NUTM2E: variants seen among roughly 807,000 people sequenced by gnomAD.
NUTM2E encodes the protein NUT family member 2E, also known as family with sequence similarity 22, member E.
In NUTM2E, 3 loss-of-function variants were observed where a neutral mutation model predicts 26.1. The ratio of observed to expected loss-of-function variants is 0.12; its 90% CI spans 0.05 to 0.30. The LOEUF is 0.30. Among genes scored for constraint, NUTM2E ranks in the 10% least tolerant of loss-of-function variants. NUTM2E has a pLI of 1.00. For missense variants in NUTM2E, 62 were observed against 381.3 expected (o/e 0.16, Z 6.97); for synonymous variants, 13 against 157.5 (o/e 0.08, Z 6.87).
Position 79,830,459 on chromosome 10 carries a change from C to A in NUTM2E, c.-2728+3102C>A, listed in dbSNP as rs578192264. On this transcript the variant is annotated intron_variant, in intron 1 of 9. Transcript: ENST00000429984. The stretch of plus-strand genomic sequence containing the variant: ...AAGAGAGGATAGTTCTGTAAAAACA[C>A]GTAAAATAACTTTCAAAGATGAAAA... 7.8e-4 allele frequency among the ~76,000 whole-genome samples: 118 copies of A among 151,628 alleles called. 7 individuals are homozygous for A. In the South Asian group the frequency reaches 0.024, roughly 31 times the overall value.
At position 79,839,560 on chromosome 10, in the gene NUTM2E, C is replaced by T. The variant is rs535457684; in HGVS notation, c.-2113-68C>T. Among the ~76,000 whole-genome samples, 35 of 151,902 alleles carry T rather than the reference C, an allele frequency of 2.3e-4. 1 individual carries two copies. Among genetic ancestry groups the T allele is most frequent in the African/African-American group, 8.0e-4 (33 of 41,480 alleles). ...ATAAAAAACTAGTAGAGAAGCAACT[C>T]ACTGACTTCAGTTTGTAATACCTTC... On this transcript the variant is annotated intron_variant, in intron 3 of 9. Coordinates refer to ENST00000429984, the MANE Select transcript of NUTM2E (RefSeq NM_001355263.2).
chr10:79,833,240 T>G (rs1841937931), intron 1 of NUTM2E, among the ~76,000 whole-genome samples: 1 of 151,810 alleles, frequency 6.6e-6, no homozygotes, highest in Admixed American at 6.6e-5. Context: ...GCGTTACCAT[T>G]AAAGTTTGAG....
In NUTM2E at chr10:79,838,764, T is replaced by A. The variant is rs1218072357; in HGVS notation, c.-2449-16T>A. Among the ~76,000 whole-genome samples the A allele has an allele frequency of 6.6e-6, 1 of 151,934 alleles. No individual in the cohort carries two copies. The highest frequency in any genetic ancestry group is 1.5e-5 in the Non-Finnish European group (1 of 67,942). On this transcript the variant is annotated splice_polypyrimidine_tract_variant and intron_variant, in intron 2 of 9. Transcript: ENST00000429984. ...GGAGGTGATTACCTTCTGATCACCC[T>A]TGGCTTTATTTTTAGGTAACACCAA...
intron 1 of NUTM2E, among the ~76,000 whole-genome samples, chr10:79,833,340 G>A (rs1443392952): frequency 6.6e-6 from 1 of 151,196 alleles, no homozygotes; most frequent in Non-Finnish European, 1.5e-5. Flanking sequence ...ACCTGTTGCT[G>A]GTTAGAAATG....
intron 1 of NUTM2E, among the ~76,000 whole-genome samples, chr10:79,833,656 A>G (rs929860609): frequency 1.3e-5 from 2 of 151,692 alleles, no homozygotes; most frequent in African/African-American, 4.8e-5. Flanking sequence ...CAAAACCACA[A>G]TGAGATACCA....
rs1362240484 is a variant in NUTM2E, at chr10:79,840,709, C to A, written c.-1032C>A. ...CCAAGTGTCTTCGAAAGGGCAAATG[C>A]TTCGTAAGTGCCGACAGGGTGTGTT... On this transcript the variant is annotated 5_prime_UTR_variant, in exon 4 of 10. The change creates a premature stop within an existing upstream ORF in the 5' untranslated region. Transcript: ENST00000429984. 2.6e-5 allele frequency among the ~76,000 whole-genome samples: 4 copies of A among 151,106 alleles called. No individual in the cohort carries two copies. The highest frequency in any genetic ancestry group is 3.9e-4 in the East Asian group (2 of 5,156).
At chr10:79,832,718 C>T (rs1465391055) in intron 1 of NUTM2E, among the ~76,000 whole-genome samples, 2 of 151,496 alleles carry the variant, frequency 1.3e-5, no homozygotes, top group Non-Finnish European at 2.9e-5. Context: ...TTCTGAATTA[C>T]AAAAATCATT....
In NUTM2E at chr10:79,829,282, C is replaced by G. The variant is rs1232517227; in HGVS notation, c.-2728+1925C>G. ...GATAGAGAGCTGATGGTAAAAATAA[C>G]AATGAGAGCAAAGGCCAAAATGTAT... On this transcript the variant is annotated intron_variant, in intron 1 of 9. Transcript: ENST00000429984. 2.0e-5 allele frequency among the ~76,000 whole-genome samples: 3 copies of G among 151,388 alleles called. No individual in the cohort carries two copies. The East Asian group carries it at 5.8e-4, about 29-fold the overall frequency.
chr10:79,836,747 A>T (rs1210189691), intron 1 of NUTM2E, among the ~76,000 whole-genome samples: 7 of 151,966 alleles, frequency 4.6e-5, no homozygotes, highest in Admixed American at 4.6e-4. Flanking sequence ...AGTACTTGAA[A>T]CTGCCTGTAC....
intron 5 of NUTM2E, among the ~76,000 whole-genome samples, chr10:79,845,475 A>G (rs1189136390): frequency 7.3e-3 from 801 of 110,128 alleles, no homozygotes; most frequent in African/African-American, 0.022. Context: ...TGAAGAGATA[A>G]CTTGAGCTCA....
At chr10:79,834,844 AAACAC>A in intron 1 of NUTM2E, among the ~76,000 whole-genome samples, 1 of 149,112 alleles carries the variant, frequency 6.7e-6, no homozygotes, top group Admixed American at 6.7e-5. Flanking sequence ...ACACACACAC[AAACAC>A]ACAAACTAAA....
Position 79,848,797 on chromosome 10 carries a change from A to C in NUTM2E, c.1636A>C (p.Lys546Gln), listed in dbSNP as rs371009764. 3 of 532,832 alleles carry C rather than the reference A, an allele frequency of 5.6e-6. No individual in the cohort carries two copies. The African/African-American group carries it at 8.7e-5, about 15-fold the overall frequency. 33.0% of individuals were successfully genotyped at this position (532,832 alleles called of 1,614,324 possible). A position where few individuals can be genotyped will look rare whatever the true frequency, so the allele number is the denominator to read the frequency against. The change falls in exon 8 of 10, where the codon AAA (lysine) becomes CAA (glutamine). Residue 546 changes from lysine (K) to glutamine (Q), a missense_variant. Transcript: ENST00000429984. ...GEPEKQREEG[K>Q]VKQPQEEDWT... is the part of the protein sequence containing the mutation. The stretch of plus-strand genomic sequence containing the variant: ...GCCCGAGAAACAACGGGAAGAGGGC[A>C]AAGTGAAGCAGCCACAGGAAGAGGA...
At chr10:79,829,032 A>G (rs1156692979) in intron 1 of NUTM2E, among the ~76,000 whole-genome samples, 8 of 151,852 alleles carry the variant, frequency 5.3e-5, no homozygotes, top group Non-Finnish European at 7.4e-5. Flanking sequence ...CAAGTTTAAT[A>G]TTTTAGGGAA....
At position 79,838,530 on chromosome 10, in the gene NUTM2E, G is replaced by T. The variant is rs1291040018; in HGVS notation, c.-2506G>T. On this transcript the variant is annotated 5_prime_UTR_variant, in exon 2 of 10. Transcript: ENST00000429984. ...TTTGGAATGTGAAAGGCACGGCCGA[G>T]ACACACTTTGAGGTTCCCACTGCAT... Among the ~76,000 whole-genome samples the T allele has an allele frequency of 6.7e-6, 1 of 148,984 alleles. No homozygotes were observed.
In NUTM2E at chr10:79,838,796, C is replaced by T. The variant is rs1442891151; in HGVS notation, c.-2433C>T. On this transcript the variant is annotated 5_prime_UTR_variant, in exon 3 of 10. It adds an upstream start codon to the 5' untranslated region. Transcript: ENST00000429984. ...TATTTTTAGGTAACACCAAGAAGGA[C>T]GCCATGAGAGCGAAGGCCGTTGGGT... Among the ~76,000 whole-genome samples the T allele has an allele frequency of 6.6e-6, 1 of 152,034 alleles. No homozygotes were observed. Among genetic ancestry groups the T allele is most frequent in the South Asian group, 2.1e-4 (1 of 4,822 alleles).
chr10:79,838,673 C>A (rs1393179823), intron 2 of NUTM2E, among the ~76,000 whole-genome samples, 87 bp downstream of exon 2: 1 of 151,742 alleles, frequency 6.6e-6, no homozygotes, highest in Admixed American at 6.6e-5. Flanking sequence ...AGCACAGCCA[C>A]AGGCCTGCTC....
rs1238358596 is a variant in NUTM2E at position 79,840,697 on chromosome 10, A to G, written c.-1044A>G. ...GCCTTCTTGAGTCCAAGTGTCTTCG[A>G]AAGGGCAAATGCTTCGTAAGTGCCG... On this transcript the variant is annotated 5_prime_UTR_variant, in exon 4 of 10. Transcript: ENST00000429984. Among the ~76,000 whole-genome samples the G allele has an allele frequency of 1.3e-5, 2 of 151,270 alleles. No individual in the cohort carries two copies. Among genetic ancestry groups the G allele is most frequent in the African/African-American group, 2.4e-5 (1 of 41,020 alleles).
At chr10:79,838,232 A>G (rs1589308234) in intron 1 of NUTM2E, among the ~76,000 whole-genome samples, 77 bp from the exon 2 acceptor site, 1 of 130,796 alleles carries the variant, frequency 7.6e-6, no homozygotes. Context: ...GACTTTGGCC[A>G]CACTCTTGCA....
intron 1 of NUTM2E, chr10:79,827,623 C>T (rs914362592): frequency 1.3e-5 from 2 of 150,072 alleles, no homozygotes; most frequent in Non-Finnish European, 3.0e-5. Context: ...TAATTTGAGT[C>T]CTTATGTGTT....
Sources: allele counts gnomAD v4.1 joint callset (sites outside exome capture counted in the v4.1 genomes callset), GRCh38; gene constraint gnomAD v4.1.1; transcripts MANE v1.5; gene names NCBI Gene and HGNC (gene_info 2026-07-23, HGNC 2026-07-21).